CSMD1: variants seen among roughly 807,000 people sequenced by gnomAD.
The protein encoded by CSMD1 is CUB and Sushi multiple domains 1.
Under a neutral mutation model 417.5 loss-of-function variants are expected in CSMD1, and 213 were observed. The ratio of observed to expected loss-of-function variants is 0.51; its 90% CI spans 0.46 to 0.57. The LOEUF (loss-of-function observed/expected upper bound fraction) is 0.57, where lower values mean the gene tolerates loss of function less well. CSMD1 is among the 20% of genes least tolerant of loss of function. The pLI, the probability that CSMD1 is intolerant of heterozygous loss-of-function variation, is 0.00. For synonymous variants in CSMD1, 2,862 were observed against 1,736.8 expected (o/e 1.65, Z -16.11); for missense variants, 6,923 against 4,529.7 (o/e 1.53, Z -15.17).
chr8:3,559,178 A>T (rs951408988), intron 10 of CSMD1, among the ~76,000 whole-genome samples: 2 of 152,204 alleles, frequency 1.3e-5, no homozygotes, highest in African/African-American at 4.8e-5. Context: ...CTCTTTTAGC[A>T]TATGGTATGT....
chr8:3,477,382 T>C (rs984967687), intron 11 of CSMD1, among the ~76,000 whole-genome samples: 2 of 152,242 alleles, frequency 1.3e-5, no homozygotes, highest in Admixed American at 6.5e-5. Context: ...GTTCCTTTAA[T>C]GTCCACGAAT....
At chr8:3,634,488 G>A (rs544295964) in intron 7 of CSMD1, among the ~76,000 whole-genome samples, 6 of 152,142 alleles carry the variant, frequency 3.9e-5, no homozygotes, top group African/African-American at 1.4e-4. Context: ...GTGGACAACC[G>A]CAAGTTTGAA....
intron 3 of CSMD1, among the ~76,000 whole-genome samples, chr8:4,161,034 C>T (rs1038263392): frequency 3.3e-5 from 5 of 151,850 alleles, no homozygotes; most frequent in East Asian, 3.9e-4. Context: ...TAAATCACGG[C>T]ACTTCTTAAA....
intron 1 of CSMD1, among the ~76,000 whole-genome samples, chr8:4,702,115 G>A (rs917971007): frequency 6.6e-6 from 1 of 152,180 alleles, no homozygotes; most frequent in Non-Finnish European, 1.5e-5. Context: ...TCAGGGATGA[G>A]GTGGGCGAAG....
At chr8:3,981,157 C>A (rs775317431) in intron 5 of CSMD1, among the ~76,000 whole-genome samples, 1 of 152,182 alleles carries the variant, frequency 6.6e-6, no homozygotes, top group East Asian at 1.9e-4. Flanking sequence ...AGTTACGCTG[C>A]ATGTACAAGA....
chr8:3,642,060 C>G (rs1037958048), intron 7 of CSMD1, among the ~76,000 whole-genome samples: 2 of 151,972 alleles, frequency 1.3e-5, no homozygotes, highest in African/African-American at 2.4e-5. Context: ...ACTTCTACTT[C>G]GATGGATACA....
chr8:3,953,416 A>G (rs1811716576), intron 5 of CSMD1, among the ~76,000 whole-genome samples: 1 of 152,220 alleles, frequency 6.6e-6, no homozygotes, highest in Non-Finnish European at 1.5e-5. Flanking sequence ...ATGAGTATAT[A>G]GAATGTTTCT....
intron 2 of CSMD1, among the ~76,000 whole-genome samples, chr8:4,481,428 GTT>G: frequency 6.6e-6 from 1 of 152,300 alleles, no homozygotes; most frequent in South Asian, 2.1e-4. Context: ...AATTGGCAGT[GTT>G]TTATTTTTTC....
At chr8:3,075,268 T>TTTC (rs1563310538) in intron 49 of CSMD1, among the ~76,000 whole-genome samples, 1 of 38,998 alleles carries the variant, frequency 2.6e-5, no homozygotes, top group Non-Finnish European at 8.3e-5. Flanking sequence ...TTTTCTTTTC[T>TTTC]TTTCTTTCTT....
chr8:3,741,567 T>C (rs1359428011), intron 6 of CSMD1, among the ~76,000 whole-genome samples: 2 of 152,262 alleles, frequency 1.3e-5, no homozygotes, highest in African/African-American at 4.8e-5. Context: ...TATGCATTTT[T>C]TGACTTCAAG....
At chr8:3,272,989 A>T (rs1237578921) in intron 26 of CSMD1, among the ~76,000 whole-genome samples, 1 of 150,828 alleles carries the variant, frequency 6.6e-6, no homozygotes, top group Non-Finnish European at 1.5e-5. Context: ...GTGGTGAGAG[A>T]GGGCATCCCT....
chr8:4,433,990 C>T (rs1798012044), intron 2 of CSMD1, among the ~76,000 whole-genome samples: 1 of 152,198 alleles, frequency 6.6e-6, no homozygotes, highest in Admixed American at 6.5e-5. Flanking sequence ...TCTCTTCAGC[C>T]TCAAGATTAA....
chr8:3,395,051 G>A (rs1403717722), intron 17 of CSMD1, among the ~76,000 whole-genome samples: 2 of 152,178 alleles, frequency 1.3e-5, no homozygotes, highest in African/African-American at 2.4e-5. Context: ...CTGGAGTGGG[G>A]CTCAGGGAGA....
intron 10 of CSMD1, among the ~76,000 whole-genome samples, chr8:3,538,636 A>G (rs1222255821): frequency 6.6e-6 from 1 of 152,236 alleles, no homozygotes; most frequent in East Asian, 1.9e-4. Context: ...AAAGGTATAG[A>G]GCTTTCCTCT....
chr8:4,849,466 A>G (rs1451740717), intron 1 of CSMD1, among the ~76,000 whole-genome samples: 1 of 152,178 alleles, frequency 6.6e-6, no homozygotes, highest in Non-Finnish European at 1.5e-5. Flanking sequence ...AATAGTGAAC[A>G]GTAATCTCCT....
At chr8:4,417,541 A>G (rs1158496186) in intron 3 of CSMD1, among the ~76,000 whole-genome samples, 1 of 152,054 alleles carries the variant, frequency 6.6e-6, no homozygotes, top group East Asian at 1.9e-4. Context: ...AATTTATTAT[A>G]ATATGAAAGT....
intron 5 of CSMD1, among the ~76,000 whole-genome samples, chr8:3,873,998 C>A (rs1458231287): frequency 6.6e-6 from 1 of 152,210 alleles, no homozygotes; most frequent in East Asian, 1.9e-4. Flanking sequence ...TTTATACACA[C>A]TGTGCGGCTG....
chr8:3,152,689 G>C (rs990253418), intron 39 of CSMD1, among the ~76,000 whole-genome samples: 24 of 152,182 alleles, frequency 1.6e-4, no homozygotes, highest in African/African-American at 4.6e-4. Flanking sequence ...TTTTTGTGGT[G>C]TGAGTCATAA....
chr8:3,694,584 C>T (rs1174082300), intron 7 of CSMD1, among the ~76,000 whole-genome samples: 1 of 151,852 alleles, frequency 6.6e-6, no homozygotes, highest in Non-Finnish European at 1.5e-5. Flanking sequence ...AGACTCCCCA[C>T]CCTGCAAAAC....
Sources: allele counts gnomAD v4.1 joint callset (sites outside exome capture counted in the v4.1 genomes callset), GRCh38; gene constraint gnomAD v4.1.1; transcripts MANE v1.5; gene names NCBI Gene and HGNC (gene_info 2026-07-23, HGNC 2026-07-21).